GRIN2A: variants seen among roughly 807,000 people sequenced by gnomAD.
The protein encoded by GRIN2A is glutamate ionotropic receptor NMDA type subunit 2A, also known as glutamate receptor ionotropic, NMDA 2A.
GRIN2A carries 22 observed loss-of-function variants against 113.4 expected under a neutral mutation model. The observed-to-expected ratio is 0.19, with a 90% CI of 0.14 to 0.28. The LOEUF is 0.28. GRIN2A is among the 10% of genes least tolerant of loss of function. GRIN2A has a pLI of 1.00. For missense variants in GRIN2A, 1,502 were observed against 1,887.0 expected (o/e 0.80, Z 3.78); for synonymous variants, 827 against 738.4 (o/e 1.12, Z -1.94).
At chr16:10,021,499 A>G (rs1275090685) in intron 2 of GRIN2A, among the ~76,000 whole-genome samples, 1 of 152,192 alleles carries the variant, frequency 6.6e-6, no homozygotes, top group Non-Finnish European at 1.5e-5. Context: ...GAACTGTGAT[A>G]CATTCCCCCA....
intron 2 of GRIN2A, among the ~76,000 whole-genome samples, chr16:10,063,088 C>G (rs1236128299): frequency 6.6e-6 from 1 of 152,086 alleles, no homozygotes; most frequent in Non-Finnish European, 1.5e-5. Flanking sequence ...ATGGATGGAG[C>G]TGGAGGACAT....
At chr16:10,178,682 A>G (rs1477785423) in intron 2 of GRIN2A, among the ~76,000 whole-genome samples, 1 of 152,270 alleles carries the variant, frequency 6.6e-6, no homozygotes, top group African/African-American at 2.4e-5. Context: ...TGTGTGCTAC[A>G]GCTGAATGTG....
At chr16:10,088,717 A>G (rs1337440302) in intron 2 of GRIN2A, among the ~76,000 whole-genome samples, 1 of 152,162 alleles carries the variant, frequency 6.6e-6, no homozygotes, top group Non-Finnish European at 1.5e-5. Context: ...AGCATTTCCT[A>G]GACTATCCCA....
intron 4 of GRIN2A, among the ~76,000 whole-genome samples, chr16:9,871,241 T>C (rs1031003859): frequency 2.0e-5 from 3 of 151,924 alleles, no homozygotes; most frequent in Admixed American, 2.0e-4. Flanking sequence ...TTACAGCAAA[T>C]ATGTGAAAGA....
chr16:9,968,563 T>A (rs1460476562), intron 2 of GRIN2A, among the ~76,000 whole-genome samples: 2 of 152,142 alleles, frequency 1.3e-5, no homozygotes, highest in Non-Finnish European at 2.9e-5. Context: ...TCCACCCACC[T>A]CGGCCTCCCA....
chr16:9,903,596 C>A (rs539646739), intron 3 of GRIN2A, among the ~76,000 whole-genome samples: 1 of 152,290 alleles, frequency 6.6e-6, no homozygotes, highest in East Asian at 1.9e-4. Flanking sequence ...GCTGTAATTC[C>A]TGTTCATTCC....
chr16:9,820,156 A>T (rs540342892), intron 10 of GRIN2A, among the ~76,000 whole-genome samples: 7 of 152,038 alleles, frequency 4.6e-5, no homozygotes, highest in Non-Finnish European at 1.5e-5. Flanking sequence ...CTATTATATT[A>T]AAAAAAAGAT....
chr16:9,785,416 A>C (rs922807745), intron 11 of GRIN2A, among the ~76,000 whole-genome samples: 5 of 124,544 alleles, frequency 4.0e-5, no homozygotes, highest in Non-Finnish European at 8.0e-5. Flanking sequence ...AGGAAGGGGA[A>C]CATCACACTC....
chr16:9,976,694 C>A (rs939012738), intron 2 of GRIN2A, among the ~76,000 whole-genome samples: 1 of 152,188 alleles, frequency 6.6e-6, no homozygotes, highest in African/African-American at 2.4e-5. Flanking sequence ...AAAGCCGGCA[C>A]TCTAATTCCA....
chr16:10,055,089 A>AAAAGAAAG (rs1414071022), intron 2 of GRIN2A, among the ~76,000 whole-genome samples: 4 of 82,224 alleles, frequency 4.9e-5, no homozygotes, highest in Non-Finnish European at 9.1e-5. Context: ...AAAAAAAGAA[A>AAAAGAAAG]AAAGAAAGAA....
chr16:9,990,941 C>T (rs1003738649), intron 2 of GRIN2A, among the ~76,000 whole-genome samples: 4 of 152,032 alleles, frequency 2.6e-5, no homozygotes, highest in African/African-American at 9.7e-5. Flanking sequence ...GTTGCGGGTA[C>T]CTGTAATCCC....
intron 2 of GRIN2A, among the ~76,000 whole-genome samples, chr16:9,997,099 T>C (rs1346280389): frequency 6.6e-6 from 1 of 152,220 alleles, no homozygotes; most frequent in Non-Finnish European, 1.5e-5. Flanking sequence ...TGATTAATCT[T>C]GGAAAATTTC....
chr16:9,936,134 A>T (rs1039507139), intron 3 of GRIN2A, among the ~76,000 whole-genome samples: 2 of 152,232 alleles, frequency 1.3e-5, no homozygotes, highest in Non-Finnish European at 2.9e-5. Flanking sequence ...AATCTCTAGA[A>T]CATTGGTCCT....
Position 9,834,506 on chromosome 16 carries a change from C to T in GRIN2A, c.1652-276G>A, listed in dbSNP as rs141577963. Reference sequence around the variant, plus strand: ...AAGCAATTCTCCTGCCTCAGCCTTCCGAGTAGCTGGGACTACAGGCATGTG... The same window carrying T: ...AAGCAATTCTCCTGCCTCAGCCTTCTGAGTAGCTGGGACTACAGGCATGTG... On this transcript the variant is annotated intron_variant, in intron 7 of 12. Transcript: ENST00000330684. 0.016 allele frequency among the ~76,000 whole-genome samples: 2,408 copies of T among 152,168 alleles called. 36 individuals carry two copies. The highest frequency in any genetic ancestry group is 0.027 in the Non-Finnish European group (1,823 of 68,002).
chr16:9,814,863 A>G (rs890287087), intron 10 of GRIN2A, among the ~76,000 whole-genome samples: 1 of 152,064 alleles, frequency 6.6e-6, no homozygotes, highest in Non-Finnish European at 1.5e-5. Context: ...CTACTAAAAA[A>G]TACAAAATTG....
At chr16:9,824,263 A>G (rs2042345278) in intron 9 of GRIN2A, among the ~76,000 whole-genome samples, 1 of 152,126 alleles carries the variant, frequency 6.6e-6, no homozygotes, top group Non-Finnish European at 1.5e-5. Flanking sequence ...TGAACAGCAA[A>G]ATGCTTTTTG....
chr16:9,949,815 G>T (rs1010365206), intron 2 of GRIN2A, among the ~76,000 whole-genome samples: 2 of 152,142 alleles, frequency 1.3e-5, no homozygotes, highest in Non-Finnish European at 2.9e-5. Context: ...TGAGTTGTGG[G>T]TATAAGAGAT....
intron 2 of GRIN2A, among the ~76,000 whole-genome samples, chr16:10,092,303 G>T (rs190698449): frequency 6.6e-6 from 1 of 152,160 alleles, no homozygotes; most frequent in African/African-American, 2.4e-5. Context: ...TCTTCTTACA[G>T]TCCAAGGAAA....
chr16:9,854,432 C>A (rs1390562269), intron 4 of GRIN2A, among the ~76,000 whole-genome samples: 2 of 152,114 alleles, frequency 1.3e-5, no homozygotes, highest in African/African-American at 4.8e-5. Flanking sequence ...AAGAAAGAAC[C>A]AATGGGTTGA....
Sources: gnomAD v4.1 joint callset for allele counts (sites outside exome capture counted in the v4.1 genomes callset) on GRCh38, gnomAD v4.1.1 for gene constraint, MANE v1.5 for transcripts, NCBI Gene and HGNC (gene_info 2026-07-23, HGNC 2026-07-21) for gene names.